ZNF33A: variants seen among roughly 807,000 people sequenced by gnomAD.
The protein encoded by ZNF33A is zinc finger protein 33A.
In ZNF33A, 9 loss-of-function variants were observed where a neutral mutation model predicts 15.9. The observed-to-expected ratio is 0.57, with a 90% CI of 0.34 to 0.99. The LOEUF is 0.99. ZNF33A is among the 50% of genes least tolerant of loss of function. The pLI is 0.02. For missense variants in ZNF33A, 843 were observed against 941.6 expected (o/e 0.90, Z 1.37); for synonymous variants, 294 against 324.2 (o/e 0.91, Z 1.00).
chr10:38,067,772 G>A (rs981496373), downstream of ZNF33A, among the ~76,000 whole-genome samples: 2 of 152,188 alleles, frequency 1.3e-5, no homozygotes, highest in African/African-American at 4.8e-5. Flanking sequence ...GAAACCAGTT[G>A]AAAAGGGAGA....
rs372346878 is a variant in ZNF33A, at chr10:38,010,680, C to T, written c.-148C>T. 62 of 1,592,670 alleles carry T rather than the reference C, an allele frequency of 3.9e-5. No individual in the cohort carries two copies. In the African/African-American group the frequency reaches 7.3e-4, roughly 19 times the overall value. ...CGTCCGCCGGCTACGTCTGCGTTTC[C>T]GCCTTTCCTTTTGTTTTTCTCAGGT... On this transcript the variant is annotated 5_prime_UTR_variant, in exon 1 of 5. Coordinates refer to ENST00000432900, the MANE Select transcript of ZNF33A (RefSeq NM_006954.2).
intron 4 of ZNF33A, among the ~76,000 whole-genome samples, chr10:38,024,185 A>G (rs686097): frequency 6.9e-6 from 1 of 144,472 alleles, no homozygotes; most frequent in South Asian, 2.2e-4. Flanking sequence ...AAAAAAAGAA[A>G]AAATGTAAAC....
chr10:38,047,436 T>G (rs1220995458), intron 4 of ZNF33A, among the ~76,000 whole-genome samples: 1 of 151,554 alleles, frequency 6.6e-6, no homozygotes, highest in African/African-American at 2.4e-5. Flanking sequence ...GAGACTATGT[T>G]GGCCAACATG....
At chr10:38,014,369 T>A (rs2064348043) in intron 2 of ZNF33A, among the ~76,000 whole-genome samples, 1 of 152,174 alleles carries the variant, frequency 6.6e-6, no homozygotes, top group African/African-American at 2.4e-5. Flanking sequence ...ACAGAAGAAG[T>A]TTACCAATCC....
intron 2 of ZNF33A, chr10:38,015,932 C>T: frequency 8.6e-7 from 1 of 1,157,112 alleles, no homozygotes. Context: ...TCAGTATATG[C>T]TCATATCTCA....
In ZNF33A at chr10:38,055,875, A is replaced by G; in HGVS notation, c.1751A>G (p.His584Arg). 1.2e-6 allele frequency: 2 copies of G among 1,614,154 alleles called. No homozygotes were observed. The highest frequency in any genetic ancestry group is 1.7e-6 in the Non-Finnish European group (2 of 1,179,994). The change falls in exon 5 of 5, where the codon CAT (histidine) becomes CGT (arginine). Residue 584 changes from histidine to arginine, a missense_variant. His to Arg is a conservative substitution (Grantham distance 29, BLOSUM62 0). Transcript: ENST00000432900. The stretch of plus-strand genomic sequence containing the variant: ...ACAGGGGAGAAACCCTACGAATGTC[A>G]TGAATGTGGAAAAATCTTTTACAAT... Reference protein sequence around the residue: ...THTGEKPYECHECGKIFYNKS... With the variant: ...THTGEKPYECRECGKIFYNKS...
Position 38,054,659 on chromosome 10 carries a change from A to T in ZNF33A, c.535A>T (p.Asn179Tyr), listed in dbSNP as rs1404994781. The T allele has an allele frequency of 2.5e-6, 4 of 1,613,428 alleles. No homozygotes were observed. The highest frequency in any genetic ancestry group is 3.4e-6 in the Non-Finnish European group (4 of 1,179,846). Residue 179 changes from asparagine to tyrosine, a missense_variant, in exon 5 of 5, where the codon AAT (asparagine) becomes TAT (tyrosine). By Grantham distance (143) the Asn-to-Tyr change is moderately radical (BLOSUM62 -2). Coordinates refer to ENST00000432900, the MANE Select transcript of ZNF33A (RefSeq NM_006954.2). ...EFNACGKLLL[N>Y]IKHDETHTQE... ...TAATGCCTGTGGGAAATTGTTACTC[A>T]ATATTAAGCATGATGAAACTCATAC...
At chr10:38,031,952 A>G (rs920105934) in intron 4 of ZNF33A, among the ~76,000 whole-genome samples, 1 of 152,168 alleles carries the variant, frequency 6.6e-6, no homozygotes, top group African/African-American at 2.4e-5. Context: ...ACACAGCAAG[A>G]TTCCATCTTA....
At chr10:38,063,959 C>T, downstream of ZNF33A, 10 of 766,818 alleles carry the variant, frequency 1.3e-5, no homozygotes, top group South Asian at 2.0e-4. Flanking sequence ...TGCCTGGTGT[C>T]TGTGGTGCCT....
rs2066636214 is a variant in ZNF33A at position 38,060,057 on chromosome 10, CCT to C, written c.*3498_*3499del. On this transcript the variant is annotated 3_prime_UTR_variant, in exon 5 of 5. Coordinates refer to ENST00000432900, the MANE Select transcript of ZNF33A (RefSeq NM_006954.2). ...GTAAATAAATAACCAACCAACCAAC[CCT>C]GAGGAACATCTTGTTTCTGTACTAA... 4.1e-6 allele frequency: 4 copies of C among 985,144 alleles called. No individual in the cohort carries two copies. The African/African-American group carries it at 5.2e-5, about 13-fold the overall frequency. The allele number at this position is 985,144 out of a possible 1,614,324, so 61.0% of individuals were successfully genotyped here.
intron 4 of ZNF33A, among the ~76,000 whole-genome samples, chr10:38,033,625 A>G (rs143189190): frequency 6.6e-6 from 1 of 152,080 alleles, no homozygotes; most frequent in Non-Finnish European, 1.5e-5. Flanking sequence ...TATTAATATT[A>G]ATATGTATTA....
In ZNF33A at chr10:38,056,989, C is replaced by G. The variant is rs1486190081; in HGVS notation, c.*429C>G. ...AATGAGTAGAGAGAATTCCCATGTACACTTCACCAAACTTCCTCTAAGGAT... is the reference window on the plus strand; with the variant it reads ...AATGAGTAGAGAGAATTCCCATGTAGACTTCACCAAACTTCCTCTAAGGAT... On this transcript the variant is annotated 3_prime_UTR_variant, in exon 5 of 5. Transcript: ENST00000432900. 2.4e-6 allele frequency: 2 copies of G among 831,804 alleles called. No individual in the cohort carries two copies. The highest frequency in any genetic ancestry group is 2.9e-6 in the Non-Finnish European group (2 of 688,142). The allele number at this position is 831,804 out of a possible 1,614,324, so 51.5% of individuals were successfully genotyped here.
At chr10:38,051,066 T>C (rs2066178921) in intron 4 of ZNF33A, among the ~76,000 whole-genome samples, 1 of 151,266 alleles carries the variant, frequency 6.6e-6, no homozygotes, top group Admixed American at 6.5e-5. Flanking sequence ...ATTTTAAAAA[T>C]AGTTTTTTTT....
intron 4 of ZNF33A, among the ~76,000 whole-genome samples, chr10:38,052,782 T>A (rs186408890): frequency 1.3e-5 from 2 of 152,194 alleles, no homozygotes; most frequent in African/African-American, 4.8e-5. Flanking sequence ...TTTCTTCAAT[T>A]TTCACATCTA....
intron 4 of ZNF33A, among the ~76,000 whole-genome samples, chr10:38,030,965 G>A (rs1232463023): frequency 6.6e-6 from 1 of 152,212 alleles, no homozygotes; most frequent in Non-Finnish European, 1.5e-5. Context: ...GTGGTTGCCA[G>A]TGTTAGGAAG....
intron 4 of ZNF33A, among the ~76,000 whole-genome samples, chr10:38,053,600 T>G (rs578258914): frequency 6.6e-6 from 1 of 152,314 alleles, no homozygotes; most frequent in South Asian, 2.1e-4. Context: ...ATAAGGAATG[T>G]CTTTAATAAG....
rs939621307 is a variant in ZNF33A at position 38,058,607 on chromosome 10, TA to T, written c.*2052del. ...CAACATGGTGAAACCCCCTATCTAC[TA>T]AAAATACAAAAAATTAGCTGGGCAT... is the stretch of plus-strand genomic sequence containing the variant. On this transcript the variant is annotated 3_prime_UTR_variant, in exon 5 of 5. Coordinates refer to ENST00000432900, the MANE Select transcript of ZNF33A (RefSeq NM_006954.2). The T allele has an allele frequency of 6.6e-6, 1 of 152,042 alleles. No homozygotes were observed. Among genetic ancestry groups the T allele is most frequent in the African/African-American group, 2.4e-5 (1 of 41,380 alleles). 9.4% of individuals were successfully genotyped at this position (152,042 alleles called of 1,614,324 possible).
downstream of ZNF33A, among the ~76,000 whole-genome samples, chr10:38,062,334 T>C (rs1480393021): frequency 2.0e-5 from 3 of 152,188 alleles, no homozygotes; most frequent in Non-Finnish European, 4.4e-5. Context: ...AGTCCATGGT[T>C]CACACAAATG....
In ZNF33A at chr10:38,056,315, T is replaced by C. The variant is rs2066480288; in HGVS notation, c.2191T>C (p.Tyr731His). The C allele has an allele frequency of 6.2e-7, 1 of 1,614,012 alleles. No individual in the cohort carries two copies. Among genetic ancestry groups the C allele is most frequent in the African/African-American group, 1.3e-5 (1 of 74,920 alleles). ...CQCNECGKIF[Y>H]RKSELAQHQR... The stretch of plus-strand genomic sequence containing the variant: ...ATGTAATGAATGTGGAAAAATCTTT[T>C]ACCGTAAATCGGAACTTGCTCAACA... The change falls in exon 5 of 5, where the codon TAC becomes CAC. Residue 731 changes from tyrosine to histidine, a missense_variant. By Grantham distance (83) the Tyr-to-His change is moderately conservative (BLOSUM62 2). Transcript: ENST00000432900.
Sources: allele counts gnomAD v4.1 joint callset (sites outside exome capture counted in the v4.1 genomes callset), GRCh38; gene constraint gnomAD v4.1.1; transcripts MANE v1.5; gene names NCBI Gene and HGNC (gene_info 2026-07-23, HGNC 2026-07-21).